NPAS2: variants seen among roughly 807,000 people sequenced by gnomAD.
NPAS2 encodes neuronal PAS domain-containing protein 2.
NPAS2 carries 23 observed loss-of-function variants against 107.5 expected under a neutral mutation model. The ratio of observed to expected loss-of-function variants is 0.21; its 90% CI spans 0.15 to 0.30. The LOEUF (loss-of-function observed/expected upper bound fraction) is 0.30, where lower values mean the gene tolerates loss of function less well. Among genes scored for constraint, NPAS2 ranks in the 10% least tolerant of loss-of-function variants. The pLI is 1.00. For missense variants in NPAS2, 756 were observed against 1,043.3 expected, an observed-to-expected ratio of 0.72 and a Z score of 3.79; for synonymous variants, 403 against 417.5, an observed-to-expected ratio of 0.97 and a Z score of 0.42.
chr2:100,971,084 T>C lies in NPAS2; in HGVS notation c.1140+10T>C. The C allele has an allele frequency of 6.2e-7, 1 of 1,613,214 alleles. No individual in the cohort carries two copies. ...CTCCTCAGCACTAAAGGTACGCCCA[T>C]CCCTGCCAGATGGATACGGCAAAGG... On this transcript the variant is annotated intron_variant, in intron 12 of 20. Transcript: ENST00000335681.
chr2:100,938,779 A>G (rs1684518019), intron 5 of NPAS2, among the ~76,000 whole-genome samples: 1 of 151,926 alleles, frequency 6.6e-6, no homozygotes, highest in Admixed American at 6.6e-5. Flanking sequence ...TTCGATCTGC[A>G]CACAGCATCA....
At position 100,990,237 on chromosome 2, in the gene NPAS2, C is replaced by A. The variant is rs368952205; in HGVS notation, c.1828-19C>A. 18 of 1,612,028 alleles carry A rather than the reference C, an allele frequency of 1.1e-5. No individual in the cohort carries two copies. The highest frequency in any genetic ancestry group is 1.5e-5 in the Non-Finnish European group (18 of 1,178,402). On this transcript the variant is annotated intron_variant, in intron 17 of 20. Coordinates refer to ENST00000335681, the MANE Select transcript of NPAS2 (RefSeq NM_002518.4). Reference sequence around the variant, plus strand: ...GGTTGAGTCCAAGTCTTACCTTTCTCATTGAAATGATGCTCCAGGGTCCAA... The same window carrying A: ...GGTTGAGTCCAAGTCTTACCTTTCTAATTGAAATGATGCTCCAGGGTCCAA...
chr2:100,860,865 T>A (rs977496786), intron 1 of NPAS2, among the ~76,000 whole-genome samples: 2 of 152,008 alleles, frequency 1.3e-5, no homozygotes, highest in Admixed American at 1.3e-4. Context: ...GGTTTTTTTT[T>A]ATTGTTTGTT....
intron 2 of NPAS2, among the ~76,000 whole-genome samples, chr2:100,923,594 G>T (rs1418586918): frequency 6.6e-6 from 1 of 152,142 alleles, no homozygotes; most frequent in African/African-American, 2.4e-5. Context: ...CCACACATTG[G>T]CCAGGAGCCT....
intron 3 of NPAS2, among the ~76,000 whole-genome samples, chr2:100,930,883 T>A (rs1292624183): frequency 6.6e-6 from 1 of 152,202 alleles, no homozygotes; most frequent in Non-Finnish European, 1.5e-5. Flanking sequence ...ACAGTTAGTC[T>A]ATAGTTTGAT....
chr2:100,989,885 A>T (rs1041306204), intron 17 of NPAS2: 1 of 201,090 alleles, frequency 5.0e-6, no homozygotes, highest in Non-Finnish European at 1.0e-5. Flanking sequence ...AGCCATGTCA[A>T]TGTCAGGGGA....
intron 2 of NPAS2, 68 bp downstream of exon 2, chr2:100,904,854 C>A: frequency 2.5e-6 from 3 of 1,180,378 alleles, no homozygotes; most frequent in African/African-American, 1.5e-5. Flanking sequence ...GGCAGAATCT[C>A]GCTGGCTTTC....
intron 1 of NPAS2, among the ~76,000 whole-genome samples, chr2:100,887,117 T>C (rs576119874): frequency 4.9e-4 from 74 of 152,306 alleles, no homozygotes; most frequent in Non-Finnish European, 9.7e-4. Flanking sequence ...TTATGAGCCC[T>C]AGGAAGCAGG....
At chr2:100,886,150 G>A (rs1004857846) in intron 1 of NPAS2, among the ~76,000 whole-genome samples, 1 of 152,234 alleles carries the variant, frequency 6.6e-6, no homozygotes, top group Non-Finnish European at 1.5e-5. Flanking sequence ...TTGGCAGCTT[G>A]GAGTTTTGCA....
Position 100,847,392 on chromosome 2 carries a change from C to T in NPAS2, c.-23+26978C>T, listed in dbSNP as rs541989597. 6.2e-4 allele frequency among the ~76,000 whole-genome samples: 94 copies of T among 151,076 alleles called. No homozygotes were observed. The South Asian group carries it at 0.015, about 24-fold the overall frequency. ...AAAATGAATTTTTTTTTTTTTGAGA[C>T]GGAGTCTCGCTCTTTCGCCCAGGCT... On this transcript the variant is annotated intron_variant, in intron 1 of 20. Transcript: ENST00000335681.
intron 2 of NPAS2, among the ~76,000 whole-genome samples, chr2:100,923,336 G>T (rs1048439090): frequency 1.2e-4 from 18 of 152,190 alleles, no homozygotes; most frequent in Non-Finnish European, 2.2e-4. Context: ...ATGTTATCAG[G>T]AAACAGCCTA....
intron 1 of NPAS2, among the ~76,000 whole-genome samples, chr2:100,887,839 G>A (rs1004411790): frequency 3.3e-5 from 5 of 152,158 alleles, no homozygotes; most frequent in African/African-American, 9.7e-5. Context: ...CTCCGCGAAC[G>A]GGCCCTGCAT....
At chr2:100,969,960 T>C (rs1285311415) in intron 11 of NPAS2, among the ~76,000 whole-genome samples, 2 of 152,158 alleles carry the variant, frequency 1.3e-5, no homozygotes. Flanking sequence ...AGACAGACAC[T>C]ACACACACTC....
chr2:100,935,235 T>C (rs758749100), intron 4 of NPAS2: 17 of 264,592 alleles, frequency 6.4e-5, no homozygotes, highest in Non-Finnish European at 8.8e-5. Flanking sequence ...CTTGTGGAAT[T>C]TCTGAATTTT....
At chr2:100,840,278 G>GTA (rs1469345941) in intron 1 of NPAS2, among the ~76,000 whole-genome samples, 1 of 152,130 alleles carries the variant, frequency 6.6e-6, no homozygotes, top group East Asian at 1.9e-4. Context: ...CAGTTCCAAG[G>GTA]TTACCGGTGT....
chr2:100,856,668 C>T (rs548893841), intron 1 of NPAS2, among the ~76,000 whole-genome samples: 16 of 121,076 alleles, frequency 1.3e-4, no homozygotes, highest in East Asian at 5.4e-4. Context: ...TTTAGCAGCT[C>T]GGACTTCGGA....
At chr2:100,878,590 T>A (rs1188025697) in intron 1 of NPAS2, 10 of 985,446 alleles carry the variant, frequency 1.0e-5, no homozygotes, top group Admixed American at 6.1e-5. Context: ...TACATTAAGT[T>A]CAGTAAGAAT....
At chr2:100,941,751 T>G (rs1038255554) in intron 5 of NPAS2, among the ~76,000 whole-genome samples, 2 of 152,102 alleles carry the variant, frequency 1.3e-5, no homozygotes, top group African/African-American at 4.8e-5. Flanking sequence ...GTCACGTGCC[T>G]TGGACAGAAT....
intron 1 of NPAS2, among the ~76,000 whole-genome samples, chr2:100,830,184 G>A (rs1048804992): frequency 5.9e-5 from 9 of 152,146 alleles, no homozygotes; most frequent in African/African-American, 2.2e-4. Flanking sequence ...TAACATGACA[G>A]GTGGTAGAAG....
Sources: gnomAD v4.1 joint callset for allele counts (sites outside exome capture counted in the v4.1 genomes callset) on GRCh38, gnomAD v4.1.1 for gene constraint, MANE v1.5 for transcripts, NCBI Gene and HGNC (gene_info 2026-07-23, HGNC 2026-07-21) for gene names.